Variants in LRRC4C observed in about 807,000 individuals in gnomAD.
LRRC4C encodes leucine-rich repeat-containing protein 4C.
Under a neutral mutation model 33.6 loss-of-function variants are expected in LRRC4C, and 5 were observed. That is an observed-to-expected ratio of 0.15 (90% CI 0.08 to 0.31). The LOEUF (loss-of-function observed/expected upper bound fraction) is 0.31. Among genes scored for constraint, LRRC4C ranks in the 10% least tolerant of loss-of-function variants. The pLI is 1.00. For synonymous variants in LRRC4C, 329 were observed against 302.0 expected (o/e 1.09, Z -0.93); for missense variants, 560 against 796.7 (o/e 0.70, Z 3.58).
chr11:40,414,802 GAGA>G (rs1950268099), intron 3 of LRRC4C, among the ~76,000 whole-genome samples: 3 of 151,818 alleles, frequency 2.0e-5, no homozygotes, highest in South Asian at 4.2e-4. Context: ...ACCAGAAGAG[GAGA>G]AGAAGGGATC....
At chr11:40,392,215 C>G (rs1373733186) in intron 3 of LRRC4C, among the ~76,000 whole-genome samples, 1 of 152,064 alleles carries the variant, frequency 6.6e-6, no homozygotes, top group Non-Finnish European at 1.5e-5. Context: ...TGAAACTATT[C>G]TGTATGATAC....
chr11:40,211,363 C>G (rs570198639), intron 5 of LRRC4C, among the ~76,000 whole-genome samples: 1 of 152,076 alleles, frequency 6.6e-6, no homozygotes, highest in Non-Finnish European at 1.5e-5. Context: ...GGGAATTTTT[C>G]TCAGTTCTTT....
At chr11:41,325,576 TTTGTGTG>T (rs1482516735) in intron 1 of LRRC4C, among the ~76,000 whole-genome samples, 19 of 65,468 alleles carry the variant, frequency 2.9e-4, no homozygotes, top group Non-Finnish European at 1.5e-4. Flanking sequence ...GTTTTTTTTT[TTTGTGTG>T]TGTGTGTGTG....
chr11:40,560,595 GA>G (rs200417010), intron 3 of LRRC4C, among the ~76,000 whole-genome samples: 1 of 151,740 alleles, frequency 6.6e-6, no homozygotes, highest in East Asian at 1.9e-4. Context: ...ACTTCTATTT[GA>G]AAAAAATAAG....
intron 1 of LRRC4C, among the ~76,000 whole-genome samples, chr11:41,194,358 G>A (rs991454769): frequency 6.6e-6 from 1 of 152,084 alleles, no homozygotes; most frequent in Non-Finnish European, 1.5e-5. Context: ...GATAATATGA[G>A]TATAGAGACA....
intron 5 of LRRC4C, among the ~76,000 whole-genome samples, chr11:40,144,373 A>T (rs1857576946): frequency 6.6e-6 from 1 of 152,220 alleles, no homozygotes; most frequent in Admixed American, 6.5e-5. Flanking sequence ...TGTTCGAAAC[A>T]CTTACAAATG....
At chr11:40,223,680 T>C (rs1433664368) in intron 5 of LRRC4C, among the ~76,000 whole-genome samples, 1 of 152,200 alleles carries the variant, frequency 6.6e-6, no homozygotes, top group Non-Finnish European at 1.5e-5. Flanking sequence ...CACACTATTT[T>C]AAAATGTCAC....
intron 1 of LRRC4C, among the ~76,000 whole-genome samples, chr11:41,271,549 CCCCTCATTAAACTAACTGAACTAGCT>C (rs1949321498): frequency 7.4e-6 from 1 of 135,334 alleles, no homozygotes; most frequent in Non-Finnish European, 1.6e-5. Flanking sequence ...TAAGAAGCTG[CCCCTCATTAAACTAACTGAACTAGCT>C]CCCTCTCCTT....
chr11:40,222,933 A>G (rs1864523240), intron 5 of LRRC4C, among the ~76,000 whole-genome samples: 1 of 152,192 alleles, frequency 6.6e-6, no homozygotes, highest in South Asian at 2.1e-4. Context: ...GGCAGAGGGA[A>G]CACTTTAGCA....
intron 2 of LRRC4C, among the ~76,000 whole-genome samples, chr11:40,677,564 T>G (rs1016865268): frequency 6.6e-6 from 1 of 152,146 alleles, no homozygotes; most frequent in Non-Finnish European, 1.5e-5. Flanking sequence ...TAGAGAAATT[T>G]TTTAGTTTTA....
intron 2 of LRRC4C, among the ~76,000 whole-genome samples, chr11:40,882,891 A>T (rs1955254500): frequency 6.6e-6 from 1 of 152,048 alleles, no homozygotes; most frequent in African/African-American, 2.4e-5. Flanking sequence ...ATGCACATAA[A>T]CTTCTAAATA....
At chr11:40,307,004 A>ATCTATCTATC (rs5791372) in intron 4 of LRRC4C, among the ~76,000 whole-genome samples, 146,325 of 149,710 alleles carry the variant, frequency 0.98, 71,606 homozygotes, top group Middle Eastern at 1. Flanking sequence ...GTATCTATGT[A>ATCTATCTATC]TCTATCTATC....
intron 3 of LRRC4C, among the ~76,000 whole-genome samples, chr11:40,341,757 G>A (rs1460205397): frequency 6.6e-6 from 1 of 152,128 alleles, no homozygotes; most frequent in Non-Finnish European, 1.5e-5. Context: ...AAAAAAGATA[G>A]TCATCACAGT....
In LRRC4C at chr11:40,494,685, T is replaced by G. The variant is rs148795462; in HGVS notation, c.-270+153457A>C. On this transcript the variant is annotated intron_variant, in intron 3 of 6. Transcript: ENST00000528697. ...ATATGCCCTGGTAAAGATGAAAAAT[T>G]TATGATATGTGAAATAAGGATTTCT... Among the ~76,000 whole-genome samples the G allele has an allele frequency of 2.2e-4, 33 of 152,238 alleles. 1 individual carries two copies. The East Asian group carries it at 6.4e-3, about 29-fold the overall frequency.
At position 40,495,813 on chromosome 11, in the gene LRRC4C, G is replaced by GTTTT. The variant is rs77683172; in HGVS notation, c.-270+152325_-270+152328dup. ...TTTTATTGAAGTTCTCAATAAACAT[G>GTTTT]TTTTTTTTTTTTTTTTTTTTTTTTT... On this transcript the variant is annotated intron_variant, in intron 3 of 6. Coordinates refer to ENST00000528697, the MANE Select transcript of LRRC4C (RefSeq NM_001258419.2). Among the ~76,000 whole-genome samples, 505 of 66,988 alleles carry GTTTT rather than the reference G, an allele frequency of 7.5e-3. 148 individuals carry two copies. Among genetic ancestry groups the GTTTT allele is most frequent in the Non-Finnish European group, 9.8e-3 (354 of 36,088 alleles). The allele number at this position is 66,988 out of a possible 152,430, so 43.9% of individuals were successfully genotyped here.
intron 2 of LRRC4C, among the ~76,000 whole-genome samples, chr11:40,719,143 C>T (rs142165797): frequency 6.4e-4 from 97 of 152,260 alleles, no homozygotes; most frequent in Middle Eastern, 3.4e-3. Flanking sequence ...GCAGTAATTC[C>T]TTCTTGCTGT....
At chr11:40,479,162 G>GT (rs1379419274) in intron 3 of LRRC4C, among the ~76,000 whole-genome samples, 2 of 152,104 alleles carry the variant, frequency 1.3e-5, no homozygotes, top group Non-Finnish European at 2.9e-5. Flanking sequence ...CCATAAAAAT[G>GT]TAAGAGTCTG....
intron 3 of LRRC4C, among the ~76,000 whole-genome samples, chr11:40,331,425 A>G (rs1748559955): frequency 6.6e-6 from 1 of 152,238 alleles, no homozygotes; most frequent in African/African-American, 2.4e-5. Context: ...CAGCAGATGA[A>G]TGAATGAAGA....
At chr11:41,013,625 AC>A (rs1405413094) in intron 1 of LRRC4C, among the ~76,000 whole-genome samples, 1 of 152,150 alleles carries the variant, frequency 6.6e-6, no homozygotes, top group East Asian at 1.9e-4. Context: ...AAGAAGAAAA[AC>A]ATATTTCTTA....
Sources: allele counts gnomAD v4.1 joint callset (sites outside exome capture counted in the v4.1 genomes callset), GRCh38; gene constraint gnomAD v4.1.1; transcripts MANE v1.5; gene names NCBI Gene and HGNC (gene_info 2026-07-23, HGNC 2026-07-21).